ATP8A2: variants seen among roughly 807,000 people sequenced by gnomAD.
ATP8A2 encodes ATPase phospholipid transporting 8A2.
Under a neutral mutation model 165.6 loss-of-function variants are expected in ATP8A2, and 100 were observed. That is an observed-to-expected ratio of 0.60 (90% confidence interval 0.51 to 0.71). The LOEUF (loss-of-function observed/expected upper bound fraction) is 0.71. ATP8A2 is among the 30% of genes least tolerant of loss of function. ATP8A2 has a pLI of 0.00. For synonymous variants in ATP8A2, 543 were observed against 548.8 expected (o/e 0.99, Z 0.15); for missense variants, 1,227 against 1,479.5 (o/e 0.83, Z 2.80).
chr13:25,651,499 CT>C (rs1195400695), intron 24 of ATP8A2, among the ~76,000 whole-genome samples: 2 of 151,612 alleles, frequency 1.3e-5, no homozygotes, highest in East Asian at 3.8e-4. Context: ...TTATAGTAAG[CT>C]TTTTTTTCTG....
chr13:25,437,246 T>C (rs1186103064), intron 1 of ATP8A2, among the ~76,000 whole-genome samples: 1 of 152,210 alleles, frequency 6.6e-6, no homozygotes, highest in Admixed American at 6.5e-5. Context: ...CTTTGCCCAC[T>C]TTTTAATGAG....
chr13:25,864,921 T>C (rs560562153), intron 33 of ATP8A2, among the ~76,000 whole-genome samples: 1 of 152,354 alleles, frequency 6.6e-6, no homozygotes, highest in African/African-American at 2.4e-5. Context: ...CACAGCCAAC[T>C]TTTACACTGT....
intron 1 of ATP8A2, among the ~76,000 whole-genome samples, chr13:25,407,702 A>G (rs144202709): frequency 7.2e-5 from 11 of 152,346 alleles, no homozygotes; most frequent in Admixed American, 6.5e-4. Flanking sequence ...AACAATGGAA[A>G]GACCTAGAAG....
intron 24 of ATP8A2, among the ~76,000 whole-genome samples, chr13:25,660,878 G>A (rs1188010017): frequency 6.6e-6 from 1 of 152,120 alleles, no homozygotes; most frequent in African/African-American, 2.4e-5. Context: ...TTGGCTTCAT[G>A]AAGACAATAC....
intron 24 of ATP8A2, among the ~76,000 whole-genome samples, chr13:25,670,696 A>G (rs1410534308): frequency 6.6e-6 from 1 of 152,170 alleles, no homozygotes; most frequent in African/African-American, 2.4e-5. Flanking sequence ...AGGTAGCAAC[A>G]CTTTATGTCT....
At chr13:25,852,479 TA>T (rs1354831724) in intron 30 of ATP8A2, among the ~76,000 whole-genome samples, 1 of 152,220 alleles carries the variant, frequency 6.6e-6, no homozygotes, top group Non-Finnish European at 1.5e-5. Context: ...TGTGCTTCCT[TA>T]TGTGGTATAA....
At chr13:26,003,927 A>G (rs920473233) in intron 35 of ATP8A2, among the ~76,000 whole-genome samples, 2 of 152,154 alleles carry the variant, frequency 1.3e-5, no homozygotes, top group Non-Finnish European at 2.9e-5. Flanking sequence ...ATAGCTTTAT[A>G]ACATATTTTG....
At chr13:25,534,801 A>G (rs954160905) in intron 6 of ATP8A2, among the ~76,000 whole-genome samples, 2 of 152,202 alleles carry the variant, frequency 1.3e-5, no homozygotes, top group African/African-American at 2.4e-5. Context: ...TTCAGTGGGC[A>G]TCCCAGTCAC....
At chr13:25,821,368 C>T (rs947603845) in intron 27 of ATP8A2, among the ~76,000 whole-genome samples, 4 of 152,124 alleles carry the variant, frequency 2.6e-5, no homozygotes, top group East Asian at 3.9e-4. Flanking sequence ...CAACAGCTTG[C>T]GTGTCTTGAT....
intron 36 of ATP8A2, 49 bp downstream of exon 36, chr13:26,012,671 G>A (rs757601454): frequency 2.5e-5 from 34 of 1,338,132 alleles, no homozygotes; most frequent in Admixed American, 3.5e-5. Context: ...TCGGTGCGGG[G>A]CGGGGGTTGA....
intron 35 of ATP8A2, among the ~76,000 whole-genome samples, chr13:26,004,142 C>G (rs1415741432): frequency 6.6e-6 from 1 of 152,024 alleles, no homozygotes; most frequent in African/African-American, 2.4e-5. Flanking sequence ...TGTTGTTTTA[C>G]AGTTCATGAG....
At chr13:25,483,718 TAGTG>T (rs1359667919) in intron 2 of ATP8A2, among the ~76,000 whole-genome samples, 5 of 152,140 alleles carry the variant, frequency 3.3e-5, no homozygotes, top group Admixed American at 2.6e-4. Flanking sequence ...CTGGGCAACA[TAGTG>T]AGATCCTATG....
At position 26,000,250 on chromosome 13, in the gene ATP8A2, T is replaced by C. The variant is rs1956606723; in HGVS notation, c.3378-12281T>C. Among the ~76,000 whole-genome samples, 3 of 152,192 alleles carry C rather than the reference T, an allele frequency of 2.0e-5. No homozygotes were observed. The East Asian group carries it at 5.8e-4, about 29-fold the overall frequency. On this transcript the variant is annotated intron_variant, in intron 35 of 36. Coordinates refer to ENST00000381655, the MANE Select transcript of ATP8A2 (RefSeq NM_016529.6). ...CCAGTAGCTAATTTAAAAATAAGTT[T>C]CTAAAATTACCTACTTGTTTTTGGC... is the stretch of plus-strand genomic sequence containing the variant.
At chr13:25,400,289 C>G (rs17082213) in intron 1 of ATP8A2, among the ~76,000 whole-genome samples, 6 of 152,072 alleles carry the variant, frequency 3.9e-5, no homozygotes, top group Non-Finnish European at 8.8e-5. Context: ...TAAAGTTTAT[C>G]TCTCCAAATG....
intron 27 of ATP8A2, among the ~76,000 whole-genome samples, chr13:25,785,430 C>G (rs1166936104): frequency 6.6e-6 from 1 of 151,972 alleles, no homozygotes; most frequent in Non-Finnish European, 1.5e-5. Flanking sequence ...CTTAATAGAA[C>G]TTCTATTTTG....
chr13:25,560,156 T>G (rs1234051963), intron 15 of ATP8A2, among the ~76,000 whole-genome samples: 2 of 152,158 alleles, frequency 1.3e-5, no homozygotes, highest in African/African-American at 4.8e-5. Flanking sequence ...ATTTCTCACC[T>G]GCCTATTTTT....
chr13:25,931,548 C>A (rs1039667674), intron 33 of ATP8A2, among the ~76,000 whole-genome samples: 2 of 152,158 alleles, frequency 1.3e-5, no homozygotes, highest in African/African-American at 4.8e-5. Flanking sequence ...GAGTGCAGAA[C>A]CTTGTTTGAC....
chr13:25,384,237 T>G (rs1351757502), intron 1 of ATP8A2, among the ~76,000 whole-genome samples: 1 of 152,210 alleles, frequency 6.6e-6, no homozygotes, highest in East Asian at 1.9e-4. Context: ...TTTTGATTAG[T>G]TTTTAATGAT....
intron 19 of ATP8A2, among the ~76,000 whole-genome samples, 181 bp downstream of exon 19, chr13:25,575,038 T>G (rs933763380): frequency 6.6e-6 from 1 of 152,234 alleles, no homozygotes; most frequent in African/African-American, 2.4e-5. Context: ...GAAAGTGAAG[T>G]AGGTTATTTT....
Sources: allele counts gnomAD v4.1 joint callset (sites outside exome capture counted in the v4.1 genomes callset), GRCh38; gene constraint gnomAD v4.1.1; transcripts MANE v1.5; gene names NCBI Gene and HGNC (gene_info 2026-07-23, HGNC 2026-07-21).